BTNL3: variants seen among roughly 807,000 people sequenced by gnomAD.
BTNL3 encodes butyrophilin like 3, also known as butyrophilin-like protein 3.
In BTNL3, 20 loss-of-function variants were observed where a neutral mutation model predicts 40.1. The ratio of observed to expected loss-of-function variants is 0.50; its 90% CI spans 0.35 to 0.72. BTNL3 has a LOEUF of 0.72. Among genes scored for constraint, BTNL3 ranks in the 30% least tolerant of loss-of-function variants. BTNL3 has a pLI of 0.01. For missense variants in BTNL3, 449 were observed against 582.2 expected, an observed-to-expected ratio of 0.77 and a Z score of 2.35; for synonymous variants, 179 against 222.1, an observed-to-expected ratio of 0.81 and a Z score of 1.73.
At position 181,001,432 on chromosome 5, in the gene BTNL3, T is replaced by A. The variant is rs1273162600; in HGVS notation, c.674-1240T>A. Among the ~76,000 whole-genome samples, 2 of 132,666 alleles carry A rather than the reference T, an allele frequency of 1.5e-5. 1 individual carries two copies. Among genetic ancestry groups the A allele is most frequent in the Non-Finnish European group, 3.4e-5 (2 of 58,432 alleles). The allele number at this position is 132,666 out of a possible 152,430, so 87.0% of individuals were successfully genotyped here. A position where few individuals can be genotyped will look rare whatever the true frequency, so the allele number is the denominator to read the frequency against. On this transcript the variant is annotated intron_variant, in intron 3 of 7. Coordinates refer to ENST00000342868, the MANE Select transcript of BTNL3 (RefSeq NM_197975.3). ...AATCCTCCCACCTCAGCCTCCCAAG[T>A]AGCTGGGACCACAGGTGTGCACCAC...
intron 1 of BTNL3, among the ~76,000 whole-genome samples, chr5:180,991,691 C>A (rs1244571071): frequency 7.3e-6 from 1 of 137,026 alleles, no homozygotes; most frequent in Non-Finnish European, 1.7e-5. Context: ...ACTCTGTCCT[C>A]ATGAAGCTAA....
At chr5:181,004,715 G>A in intron 6 of BTNL3, 21 bp from the exon 7 acceptor site, 1 of 1,614,140 alleles carries the variant, frequency 6.2e-7, no homozygotes. Context: ...GGAACTGCCT[G>A]CTCTCTCTGC....
At position 180,989,563 on chromosome 5, in the gene BTNL3, A is replaced by G. The variant is rs532980240; in HGVS notation, c.49+486A>G. 2.9e-5 allele frequency among the ~76,000 whole-genome samples: 4 copies of G among 136,984 alleles called. 2 individuals are homozygous for G. The East Asian group carries it at 8.6e-4, about 29-fold the overall frequency. The allele number at this position is 136,984 out of a possible 152,430, so 89.9% of individuals were successfully genotyped here. A position where few individuals can be genotyped will look rare whatever the true frequency, so the allele number is the denominator to read the frequency against. On this transcript the variant is annotated intron_variant, in intron 1 of 7. Coordinates refer to ENST00000342868, the MANE Select transcript of BTNL3 (RefSeq NM_197975.3). ...ACCTGTAGTTATGGGGTAGAGCACC[A>G]GACCTTTAAGTGAGGAGTAAGTTGG...
At position 181,003,009 on chromosome 5, in the gene BTNL3, G is replaced by T. The variant is rs541040062; in HGVS notation, c.787+224G>T. 8.9e-5 allele frequency among the ~76,000 whole-genome samples: 12 copies of T among 135,546 alleles called. 2 individuals are homozygous for T. The South Asian group carries it at 2.6e-3, about 30-fold the overall frequency. 88.9% of individuals were successfully genotyped at this position (135,546 alleles called of 152,430 possible). A position where few individuals can be genotyped will look rare whatever the true frequency, so the allele number is the denominator to read the frequency against. Reference sequence around the variant, plus strand: ...TGCCAATCCCTTTCTACTTTACATGGAGCACAGGATAAGCAGATAATTGAT... The same window carrying T: ...TGCCAATCCCTTTCTACTTTACATGTAGCACAGGATAAGCAGATAATTGAT... On this transcript the variant is annotated intron_variant, in intron 4 of 7. Coordinates refer to ENST00000342868, the MANE Select transcript of BTNL3 (RefSeq NM_197975.3).
In BTNL3 at chr5:181,003,122, G is replaced by A. The variant is rs958593853; in HGVS notation, c.787+337G>A. 3.7e-5 allele frequency among the ~76,000 whole-genome samples: 5 copies of A among 136,270 alleles called. 2 individuals are homozygous for A. Among genetic ancestry groups the A allele is most frequent in the Non-Finnish European group, 8.4e-5 (5 of 59,658 alleles). The allele number at this position is 136,270 out of a possible 152,430, so 89.4% of individuals were successfully genotyped here. A position where few individuals can be genotyped will look rare whatever the true frequency, so the allele number is the denominator to read the frequency against. On this transcript the variant is annotated intron_variant, in intron 4 of 7. Transcript: ENST00000342868. ...TGTAATCCCAGCACTTTGGGAGGCC[G>A]ATGTGGGAGGATCACTTGAGCCCAG...
At chr5:181,004,828 C>T (rs1432500774) in intron 7 of BTNL3, 66 bp downstream of exon 7, 1 of 1,613,814 alleles carries the variant, frequency 6.2e-7, no homozygotes, top group Non-Finnish European at 8.5e-7. Flanking sequence ...AGATATGGAG[C>T]CCATCCAGCT....
chr5:181,001,956 G>C (rs1265652777), intron 3 of BTNL3, among the ~76,000 whole-genome samples: 2 of 134,078 alleles, frequency 1.5e-5, no homozygotes, highest in African/African-American at 5.1e-5. Flanking sequence ...AAACTGCTGG[G>C]TTTATAGGCA....
chr5:180,993,468 TTTC>T (rs545032078), intron 2 of BTNL3, among the ~76,000 whole-genome samples: 2 of 136,950 alleles, frequency 1.5e-5, no homozygotes, highest in African/African-American at 5.0e-5. Context: ...TTTCTTTTAT[TTTC>T]TTCTTTTTTC....
rs1283422032 is a variant in BTNL3 at position 180,997,503 on chromosome 5, G to C, written c.673+15G>C. The stretch of plus-strand genomic sequence containing the variant: ...ATTGATAGGAGGTGAGTGGGGAGAA[G>C]GAGGAGCAAGGAATGGGTGTGTGCA... On this transcript the variant is annotated intron_variant, in intron 3 of 7. Transcript: ENST00000342868. 1 of 1,463,168 alleles carries C rather than the reference G, an allele frequency of 6.8e-7. No homozygotes were observed. Among genetic ancestry groups the C allele is most frequent in the Non-Finnish European group, 9.4e-7 (1 of 1,058,918 alleles). The allele number at this position is 1,463,168 out of a possible 1,614,324, so 90.6% of individuals were successfully genotyped here.
Position 181,002,376 on chromosome 5 carries a change from GTATATATATATA to G in BTNL3, c.674-280_674-269del, listed in dbSNP as rs55873315. 4.9e-5 allele frequency among the ~76,000 whole-genome samples: 4 copies of G among 81,598 alleles called. 1 individual carries two copies. The highest frequency in any genetic ancestry group is 1.1e-4 in the Non-Finnish European group (4 of 36,974). 53.5% of individuals were successfully genotyped at this position (81,598 alleles called of 152,430 possible). On this transcript the variant is annotated intron_variant, in intron 3 of 7. Transcript: ENST00000342868. ...CACACACACACACACACGTGTGTGT[GTATATATATATA>G]TATATATATATATATGAAATCCAGA...
Position 180,997,613 on chromosome 5 carries a change from A to G in BTNL3, c.673+125A>G. 6.1e-6 allele frequency: 8 copies of G among 1,301,956 alleles called. 3 individuals carry two copies. The highest frequency in any genetic ancestry group is 1.3e-5 in the South Asian group (1 of 76,300). The allele number at this position is 1,301,956 out of a possible 1,614,324, so 80.7% of individuals were successfully genotyped here. ...CTTCAATGATTTGTTTTGAGAGTCAAAGATTGATGAGGTATAAAAAACAAA... is the reference window on the plus strand; with the variant it reads ...CTTCAATGATTTGTTTTGAGAGTCAGAGATTGATGAGGTATAAAAAACAAA... On this transcript the variant is annotated intron_variant, in intron 3 of 7. Coordinates refer to ENST00000342868, the MANE Select transcript of BTNL3 (RefSeq NM_197975.3).
At chr5:181,003,728 T>A (rs1760162671) in intron 4 of BTNL3, 128 bp from the exon 5 acceptor site, 1 of 1,517,282 alleles carries the variant, frequency 6.6e-7, no homozygotes, top group African/African-American at 1.4e-5. Flanking sequence ...GACGAGCACA[T>A]ATAAGTGTCC....
rs777796457 is a variant in BTNL3 at position 181,005,756 on chromosome 5, A to T, written c.1285A>T (p.Ile429Phe). ...CTTCAATACAAATGACCAGTCCCTT[A>T]TTTATACCCTGCTGACATGTCAGTT... is the stretch of plus-strand genomic sequence containing the variant. ...SFFNTNDQSL[I>F]YTLLTCQFEG... Residue 429 changes from isoleucine (I) to phenylalanine (F), a missense_variant, in exon 8 of 8, where the codon ATT becomes TTT. By Grantham distance (21) the Ile-to-Phe change is conservative (BLOSUM62 0). Transcript: ENST00000342868. The T allele has an allele frequency of 3.1e-6, 5 of 1,614,018 alleles. No individual in the cohort carries two copies. Among genetic ancestry groups the T allele is most frequent in the Middle Eastern group, 1.6e-4 (1 of 6,062 alleles).
chr5:181,000,104 C>A (rs1760085906), intron 3 of BTNL3, among the ~76,000 whole-genome samples: 1 of 135,460 alleles, frequency 7.4e-6, no homozygotes, highest in Non-Finnish European at 1.7e-5. Flanking sequence ...AAATTTTTAC[C>A]AACATTACTC....
rs754301974 is a variant in BTNL3 at position 181,005,510 on chromosome 5, G to A, written c.1039G>A (p.Val347Met). 1.1e-5 allele frequency: 18 copies of A among 1,614,020 alleles called. No homozygotes were observed. Among genetic ancestry groups the A allele is most frequent in the African/African-American group, 9.3e-5 (7 of 74,906 alleles). Reference sequence around the variant, plus strand: ...AGGGAAACATTACTGGGAGGTGGACGTGGGACAAAATGTAGGGTGGTATGT... The same window carrying A: ...AGGGAAACATTACTGGGAGGTGGACATGGGACAAAATGTAGGGTGGTATGT... ...QAGKHYWEVD[V>M]GQNVGWYVGV... is the part of the protein sequence containing the mutation. Residue 347 changes from valine (V) to methionine (M), a missense_variant, in exon 8 of 8, where the codon GTG becomes ATG. Physicochemically the swap from Val to Met is conservative, Grantham distance 21. Transcript: ENST00000342868.
chr5:180,993,199 C>A, intron 2 of BTNL3, 39 bp downstream of exon 2: 1 of 1,401,314 alleles, frequency 7.1e-7, no homozygotes, highest in South Asian at 1.2e-5. Context: ...CTTGTAAAGT[C>A]ATGCTACCAT....
rs1582091855 is a variant in BTNL3, at chr5:181,005,954, A to G, written c.*82A>G. 2.8e-6 allele frequency: 4 copies of G among 1,421,584 alleles called. No homozygotes were observed. The highest frequency in any genetic ancestry group is 3.8e-6 in the Non-Finnish European group (4 of 1,066,512). The allele number at this position is 1,421,584 out of a possible 1,614,324, so 88.1% of individuals were successfully genotyped here. A position where few individuals can be genotyped will look rare whatever the true frequency, so the allele number is the denominator to read the frequency against. Reference sequence around the variant, plus strand: ...GAGAGTGCTCCCGACAGGTGGCCCCAGCTTCCTCTCCGGAGCCTGCGCACA... The same window carrying G: ...GAGAGTGCTCCCGACAGGTGGCCCCGGCTTCCTCTCCGGAGCCTGCGCACA... On this transcript the variant is annotated 3_prime_UTR_variant, in exon 8 of 8. Coordinates refer to ENST00000342868, the MANE Select transcript of BTNL3 (RefSeq NM_197975.3).
At position 181,006,171 on chromosome 5, in the gene BTNL3, A is replaced by C; in HGVS notation, c.*299A>C. On this transcript the variant is annotated 3_prime_UTR_variant, in exon 8 of 8. Transcript: ENST00000342868. ...TAGTTTGTGAAAACTCCATCCAGCT[A>C]AGCGATCTTGAACAAGTCACAACCT... The C allele has an allele frequency of 2.3e-6, 1 of 434,770 alleles. No individual in the cohort carries two copies. Among genetic ancestry groups the C allele is most frequent in the East Asian group, 3.3e-5 (1 of 30,148 alleles). 26.9% of individuals were successfully genotyped at this position (434,770 alleles called of 1,614,324 possible).
chr5:181,002,735 C>G lies in BTNL3; in HGVS notation c.737C>G (p.Ala246Gly), dbSNP rs1475474680. 2 of 1,456,248 alleles carry G rather than the reference C, an allele frequency of 1.4e-6. No individual in the cohort carries two copies. Among genetic ancestry groups the G allele is most frequent in the East Asian group, 4.9e-5 (2 of 40,608 alleles). The allele number at this position is 1,456,248 out of a possible 1,614,324, so 90.2% of individuals were successfully genotyped here. A position where few individuals can be genotyped will look rare whatever the true frequency, so the allele number is the denominator to read the frequency against. The part of the protein sequence containing the change: ...ASILLGLLCG[A>G]LCGVVMGMII... ...ATTTTACTCGGGTTACTCTGTGGTG[C>G]CCTGTGTGGTGTTGTCATGGGGATG... The change falls in exon 4 of 8, where the codon GCC becomes GGC. Residue 246 changes from alanine (A) to glycine (G), a missense_variant. Physicochemically the swap from Ala to Gly is moderately conservative, Grantham distance 60. Around this residue, in one of 2 missense-constraint regions of BTNL3, gnomAD observed 323 missense variants for 464.9 expected, o/e 0.69. Transcript: ENST00000342868.
Sources: gnomAD v4.1 joint callset for allele counts (sites outside exome capture counted in the v4.1 genomes callset) on GRCh38, gnomAD v4.1.1 for gene constraint, gnomAD v4.1.1 regional missense constraint, MANE v1.5 for transcripts, NCBI Gene and HGNC (gene_info 2026-07-23, HGNC 2026-07-21) for gene names.